The following HORMAD2 variants were observed in gnomAD, a reference collection of about 807,000 sequenced individuals.
HORMAD2 encodes the protein HORMA domain containing 2, also known as HORMA domain-containing protein 2.
In HORMAD2, 45 loss-of-function variants were observed where a neutral mutation model predicts 38.8. The ratio of observed to expected loss-of-function variants is 1.16; its 90% CI spans 0.91 to 1.49. The LOEUF is 1.49. HORMAD2 is among the 40% of genes most tolerant of loss of function. The pLI is 0.00. For synonymous variants in HORMAD2, 126 were observed against 122.8 expected, an observed-to-expected ratio of 1.03 and a Z score of -0.17; for missense variants, 338 against 367.0, an observed-to-expected ratio of 0.92 and a Z score of 0.65.
chr22:30,199,583 AGCAT>A, the HORMAD2 span, among the ~76,000 whole-genome samples: 1 of 152,160 alleles, frequency 6.6e-6, no homozygotes, highest in African/African-American at 2.4e-5. Context: ...GACGTCAACT[AGCAT>A]CTGCCTGTTT....
intron 10 of HORMAD2, among the ~76,000 whole-genome samples, chr22:30,155,132 G>A (rs968799177): frequency 7.3e-5 from 11 of 151,626 alleles, no homozygotes; most frequent in African/African-American, 1.9e-4. Context: ...TTGGTGCTGA[G>A]TAATCTTTAC....
the HORMAD2 span, chr22:30,207,203 G>A: frequency 2.4e-6 from 1 of 422,918 alleles, no homozygotes; most frequent in African/African-American, 2.0e-5. Context: ...ATGACACAAT[G>A]TTTGTCAAGG....
intron 10 of HORMAD2, among the ~76,000 whole-genome samples, chr22:30,173,163 G>C (rs1170599889): frequency 6.6e-6 from 1 of 152,196 alleles, no homozygotes; most frequent in African/African-American, 2.4e-5. Flanking sequence ...GGTTAAGTGT[G>C]GGGGAAGATG....
chr22:30,205,130 G>A, the HORMAD2 span, among the ~76,000 whole-genome samples: 1 of 152,224 alleles, frequency 6.6e-6, no homozygotes, highest in Non-Finnish European at 1.5e-5. Flanking sequence ...GTCAGACACT[G>A]CGCTGAGTTC....
intron 10 of HORMAD2, among the ~76,000 whole-genome samples, chr22:30,135,002 G>A (rs867503848): frequency 3.3e-5 from 5 of 152,236 alleles, no homozygotes; most frequent in Middle Eastern, 3.4e-3. Context: ...AGAAACAGAA[G>A]TTCAAAGACA....
the HORMAD2 span, among the ~76,000 whole-genome samples, chr22:30,188,289 GAC>G: frequency 6.6e-6 from 1 of 152,016 alleles, no homozygotes; most frequent in African/African-American, 2.4e-5. Context: ...GGCTTGAAAA[GAC>G]TCTCTCTTTT....
intron 10 of HORMAD2, among the ~76,000 whole-genome samples, chr22:30,151,680 A>G (rs1247026410): frequency 6.6e-6 from 1 of 152,208 alleles, no homozygotes; most frequent in Non-Finnish European, 1.5e-5. Flanking sequence ...AAATATTTGC[A>G]TGTTTTAAAA....
At chr22:30,078,860 G>C (rs147833127), upstream of HORMAD2, among the ~76,000 whole-genome samples, 28 of 152,138 alleles carry the variant, frequency 1.8e-4, no homozygotes, top group East Asian at 5.2e-3. Flanking sequence ...AGAAGGGCTG[G>C]TGCAGACAAA....
intron 10 of HORMAD2, among the ~76,000 whole-genome samples, chr22:30,135,102 C>T (rs4820830): frequency 0.7 from 106,505 of 151,820 alleles, 38,360 homozygotes; most frequent in South Asian, 0.87. Context: ...TCATACTCAA[C>T]CTGTTAAATC....
chr22:30,100,580 C>T (rs532562425), intron 3 of HORMAD2, among the ~76,000 whole-genome samples: 1 of 152,232 alleles, frequency 6.6e-6, no homozygotes, highest in African/African-American at 2.4e-5. Flanking sequence ...CCAAAATAGA[C>T]AAATGGGAAC....
chr22:30,176,017 G>C, intron 10 of HORMAD2, 46 bp from the exon 11 acceptor site: 1 of 1,270,908 alleles, frequency 7.9e-7, no homozygotes, highest in African/African-American at 1.5e-5. Context: ...TTGTGCAGAT[G>C]TCAAAATCTC....
Position 30,110,044 on chromosome 22 carries a change from G to A in HORMAD2, c.295-1752G>A, listed in dbSNP as rs568064271. Among the ~76,000 whole-genome samples the A allele has an allele frequency of 2.6e-5, 4 of 151,774 alleles. No individual in the cohort carries two copies. The South Asian group carries it at 8.3e-4, about 32-fold the overall frequency. On this transcript the variant is annotated intron_variant, in intron 5 of 10. Coordinates refer to ENST00000336726, the MANE Select transcript of HORMAD2 (RefSeq NM_152510.4). ...CTACATCCACAGATTCAACCAACTG[G>A]AAAATATTTAGAAAAAATAACAGTA...
rs374184636 is a variant in HORMAD2 at position 30,082,093 on chromosome 22, G to T, written c.-38+1602G>T. Reference sequence around the variant, plus strand: ...CTTCTTTAAATCAAAGGGGTTGGAAGATGTCTGTGCTCCCTTCCAGCTTTA... The same window carrying T: ...CTTCTTTAAATCAAAGGGGTTGGAATATGTCTGTGCTCCCTTCCAGCTTTA... On this transcript the variant is annotated intron_variant, in intron 1 of 10. Coordinates refer to ENST00000336726, the MANE Select transcript of HORMAD2 (RefSeq NM_152510.4). Among the ~76,000 whole-genome samples, 9 of 152,306 alleles carry T rather than the reference G, an allele frequency of 5.9e-5. No individual in the cohort carries two copies. In the South Asian group the frequency reaches 1.9e-3, roughly 32 times the overall value.
chr22:30,125,204 T>C (rs1283535621), intron 10 of HORMAD2, among the ~76,000 whole-genome samples: 2 of 143,520 alleles, frequency 1.4e-5, no homozygotes, highest in Non-Finnish European at 3.0e-5. Context: ...CTTTTCACTT[T>C]CTTTTTCTTT....
chr22:30,166,167 A>T (rs1274363967), intron 10 of HORMAD2, among the ~76,000 whole-genome samples: 1 of 152,070 alleles, frequency 6.6e-6, no homozygotes, highest in Non-Finnish European at 1.5e-5. Context: ...TTGATGAATT[A>T]ATCTTGGGAA....
intron 10 of HORMAD2, among the ~76,000 whole-genome samples, chr22:30,129,501 T>G (rs1923131604): frequency 6.6e-6 from 1 of 152,172 alleles, no homozygotes; most frequent in South Asian, 2.1e-4. Flanking sequence ...TAGATACTAT[T>G]GTTATCTTCA....
chr22:30,121,705 CGTA>C lies in HORMAD2; in HGVS notation c.485_487del (p.Arg162_Lys163delinsGln). ...TAAGAAAGCCAGTGTTCTACTGATC[CGTA>C]AATTGTATATACTGATGCAGGACCT... is the stretch of plus-strand genomic sequence containing the variant. On this transcript the variant is annotated inframe_deletion, in exon 9 of 11. Coordinates refer to ENST00000336726, the MANE Select transcript of HORMAD2 (RefSeq NM_152510.4). 6.2e-7 allele frequency: 1 copy of C among 1,610,096 alleles called. No individual in the cohort carries two copies. The highest frequency in any genetic ancestry group is 8.5e-7 in the Non-Finnish European group (1 of 1,177,860).
chr22:30,136,394 A>G (rs1923656532), intron 10 of HORMAD2, among the ~76,000 whole-genome samples: 1 of 152,310 alleles, frequency 6.6e-6, no homozygotes, highest in Non-Finnish European at 1.5e-5. Flanking sequence ...CCATCACTAC[A>G]GTCAAAATTT....
chr22:30,097,060 C>T (rs779102934), intron 2 of HORMAD2, among the ~76,000 whole-genome samples: 7 of 152,050 alleles, frequency 4.6e-5, no homozygotes, highest in South Asian at 4.2e-4. Flanking sequence ...GACACAACAC[C>T]GGCTGGAATT....
Sources: gnomAD v4.1 joint callset for allele counts (sites outside exome capture counted in the v4.1 genomes callset) on GRCh38, gnomAD v4.1.1 for gene constraint, MANE v1.5 for transcripts, NCBI Gene and HGNC (gene_info 2026-07-23, HGNC 2026-07-21) for gene names.